The following CNTNAP5 variants were observed in gnomAD, a reference collection of about 807,000 sequenced individuals.
CNTNAP5 encodes contactin-associated protein-like 5.
Under a neutral mutation model 150.2 loss-of-function variants are expected in CNTNAP5, and 72 were observed. That is an observed-to-expected ratio of 0.48 (90% confidence interval 0.40 to 0.58). The LOEUF (loss-of-function observed/expected upper bound fraction) is 0.58. Among genes scored for constraint, CNTNAP5 ranks in the 20% least tolerant of loss-of-function variants. The probability of loss-of-function intolerance (pLI) is 0.00; values close to 1 mark genes in which losing one functional copy is unlikely to be tolerated. For synonymous variants in CNTNAP5, 672 were observed against 619.8 expected, an observed-to-expected ratio of 1.08 and a Z score of -1.25; for missense variants, 1,636 against 1,626.2, an observed-to-expected ratio of 1.01 and a Z score of -0.10.
At chr2:124,271,015 G>A (rs1380465917) in intron 3 of CNTNAP5, among the ~76,000 whole-genome samples, 1 of 152,046 alleles carries the variant, frequency 6.6e-6, no homozygotes, top group Non-Finnish European at 1.5e-5. Flanking sequence ...GATTCTTTCA[G>A]CCCTTGGAGC....
chr2:124,428,440 A>C (rs1692292516), intron 4 of CNTNAP5, among the ~76,000 whole-genome samples: 1 of 152,124 alleles, frequency 6.6e-6, no homozygotes, highest in African/African-American at 2.4e-5. Flanking sequence ...AAAAATAAAA[A>C]AGGATAGAGG....
At chr2:124,211,587 T>C (rs1307110083) in intron 1 of CNTNAP5, among the ~76,000 whole-genome samples, 1 of 152,100 alleles carries the variant, frequency 6.6e-6, no homozygotes, top group Non-Finnish European at 1.5e-5. Context: ...TCCTTCTGTC[T>C]CTGGGCTGCC....
At chr2:124,899,685 A>G (rs2104756616) in intron 21 of CNTNAP5, among the ~76,000 whole-genome samples, 1 of 151,444 alleles carries the variant, frequency 6.6e-6, no homozygotes, top group African/African-American at 2.4e-5. Flanking sequence ...CTTTGCTTGC[A>G]TTCCCATTTT....
In CNTNAP5 at chr2:124,510,279, C is replaced by CTATATATATATATCTATATATCTATATA. The variant is rs1238288039; in HGVS notation, c.1327+5728_1327+5729insATATATATCTATATATCTATATATATAT. 4.7e-3 allele frequency among the ~76,000 whole-genome samples: 337 copies of CTATATATATATATCTATATATCTATATA among 70,964 alleles called. 15 individuals are homozygous for CTATATATATATATCTATATATCTATATA. The highest frequency in any genetic ancestry group is 0.011 in the African/African-American group (218 of 19,026). The allele number at this position is 70,964 out of a possible 152,430, so 46.6% of individuals were successfully genotyped here. On this transcript the variant is annotated intron_variant, in intron 8 of 23. Coordinates refer to ENST00000682447, the MANE Select transcript of CNTNAP5 (RefSeq NM_001367498.1). Reference sequence around the variant, plus strand: ...TATCTATATATCTATATATCTATATCTATATCTATATATCTATATATCTAT... The same window carrying CTATATATATATATCTATATATCTATATA: ...TATCTATATATCTATATATCTATATCTATATATATATATCTATATATCTATATATATATCTATATATCTATATATCTAT...
intron 12 of CNTNAP5, among the ~76,000 whole-genome samples, chr2:124,625,501 A>C (rs552876101): frequency 6.6e-6 from 1 of 150,648 alleles, no homozygotes; most frequent in East Asian, 1.9e-4. Context: ...ATGTTTAGCA[A>C]GCACCTGAAG....
At chr2:124,165,381 G>T (rs1036659678) in intron 1 of CNTNAP5, among the ~76,000 whole-genome samples, 28 of 152,284 alleles carry the variant, frequency 1.8e-4, no homozygotes, top group African/African-American at 6.5e-4. Context: ...AAGACACAAT[G>T]GATGCAATTT....
chr2:124,792,968 T>C (rs1316403020), intron 18 of CNTNAP5, among the ~76,000 whole-genome samples: 1 of 152,220 alleles, frequency 6.6e-6, no homozygotes, highest in Admixed American at 6.5e-5. Flanking sequence ...GTTTCATTTC[T>C]TTGGCTATTA....
chr2:124,466,681 C>T lies in CNTNAP5; in HGVS notation c.919-8058C>T, dbSNP rs77167471. ...ACTGAAAATTACTGGTCAGATGAGA[C>T]AGATTTTGTTCGGAAAGTCTGTGAC... is the stretch of plus-strand genomic sequence containing the variant. On this transcript the variant is annotated intron_variant, in intron 6 of 23. Transcript: ENST00000682447. Among the ~76,000 whole-genome samples, 971 of 152,242 alleles carry T rather than the reference C, an allele frequency of 6.4e-3. 12 individuals carry two copies. The highest frequency in any genetic ancestry group is 0.053 in the South Asian group (257 of 4,822).
intron 3 of CNTNAP5, among the ~76,000 whole-genome samples, chr2:124,316,823 A>G (rs577733510): frequency 1.7e-4 from 25 of 144,100 alleles, no homozygotes; most frequent in South Asian, 8.8e-4. Flanking sequence ...AAAAAAAAAA[A>G]AAAAAGAAAA....
At chr2:124,751,645 C>A (rs919241674) in intron 14 of CNTNAP5, among the ~76,000 whole-genome samples, 1 of 152,218 alleles carries the variant, frequency 6.6e-6, no homozygotes, top group African/African-American at 2.4e-5. Context: ...TAGACCACCA[C>A]ACCTCTTTTT....
rs140742616 is a variant in CNTNAP5, at chr2:124,420,224, C to T, written c.529+2634C>T. 9.9e-3 allele frequency among the ~76,000 whole-genome samples: 1,505 copies of T among 151,820 alleles called. 26 individuals are homozygous for T. Among genetic ancestry groups the T allele is most frequent in the African/African-American group, 0.034 (1,393 of 41,366 alleles). On this transcript the variant is annotated intron_variant, in intron 4 of 23. Coordinates refer to ENST00000682447, the MANE Select transcript of CNTNAP5 (RefSeq NM_001367498.1). ...CAGGCTGGTCTCGAACTCCTGACCT[C>T]GTGATACACCCAGCTCGGCCTCCCA...
chr2:124,593,262 T>G (rs1220541505), intron 11 of CNTNAP5, among the ~76,000 whole-genome samples: 2 of 140,810 alleles, frequency 1.4e-5, no homozygotes, highest in African/African-American at 5.2e-5. Context: ...ATTAGGTATA[T>G]CTCCCAATGC....
intron 6 of CNTNAP5, among the ~76,000 whole-genome samples, chr2:124,468,383 G>A (rs186275714): frequency 1.3e-5 from 2 of 152,136 alleles, no homozygotes; most frequent in African/African-American, 4.8e-5. Flanking sequence ...TAAGTTCAAG[G>A]GTCCAAAGCC....
intron 1 of CNTNAP5, among the ~76,000 whole-genome samples, chr2:124,047,746 C>T (rs984113059): frequency 1.5e-4 from 23 of 152,108 alleles, no homozygotes; most frequent in Non-Finnish European, 3.1e-4. Flanking sequence ...CCTTACTCAG[C>T]CCTCCTCTCT....
intron 3 of CNTNAP5, among the ~76,000 whole-genome samples, chr2:124,268,179 A>C (rs1297996452): frequency 2.0e-5 from 3 of 152,176 alleles, no homozygotes; most frequent in Admixed American, 6.5e-5. Context: ...ACAGTCAAAG[A>C]AGAGAACTGC....
chr2:124,251,755 C>T (rs1687184251), intron 3 of CNTNAP5, among the ~76,000 whole-genome samples: 1 of 152,084 alleles, frequency 6.6e-6, no homozygotes, highest in South Asian at 2.1e-4. Flanking sequence ...AGAAGAAGTG[C>T]TATGATTTTT....
At chr2:124,374,485 A>T (rs896419875) in intron 3 of CNTNAP5, among the ~76,000 whole-genome samples, 8 of 152,114 alleles carry the variant, frequency 5.3e-5, no homozygotes, top group African/African-American at 1.7e-4. Context: ...AGTCAATCAT[A>T]CTCTGTTCAA....
intron 19 of CNTNAP5, among the ~76,000 whole-genome samples, chr2:124,828,735 CAAAAAAAAAAAAAAAAAAAAAAAA>C (rs60339676): frequency 2.2e-4 from 5 of 23,082 alleles, no homozygotes; most frequent in African/African-American, 2.6e-4. Context: ...CAAGTGTTGG[CAAAAAAAAAAAAAAAAAAAAAAAA>C]AAAAAAAAAA....
chr2:124,457,792 G>A (rs1257625796), intron 6 of CNTNAP5, among the ~76,000 whole-genome samples: 1 of 151,882 alleles, frequency 6.6e-6, no homozygotes, highest in Non-Finnish European at 1.5e-5. Flanking sequence ...TATACAAATG[G>A]CCAACAAACA....
Sources: gnomAD v4.1 joint callset for allele counts (sites outside exome capture counted in the v4.1 genomes callset) on GRCh38, gnomAD v4.1.1 for gene constraint, MANE v1.5 for transcripts, NCBI Gene and HGNC (gene_info 2026-07-23, HGNC 2026-07-21) for gene names.